NOB1: variants seen among roughly 807,000 people sequenced by gnomAD.
NOB1 encodes RNA-binding protein NOB1.
In NOB1, 44 loss-of-function variants were observed where a neutral mutation model predicts 44.8. That is an observed-to-expected ratio of 0.98 (90% CI 0.77 to 1.26). The LOEUF is 1.26. Ranked by LOEUF, NOB1 falls within the 50% of genes most tolerant of loss-of-function variation. The probability of loss-of-function intolerance (pLI) is 0.00; values close to 1 mark genes in which losing one functional copy is unlikely to be tolerated. For missense variants in NOB1, 560 were observed against 544.8 expected (o/e 1.03, Z -0.28); for synonymous variants, 238 against 218.7 (o/e 1.09, Z -0.78).
chr16:69,742,437 G>C lies in NOB1; in HGVS notation c.1134C>G (p.Ile378Met), dbSNP rs2038390417. Residue 378 changes from isoleucine (I) to methionine (M), a missense_variant, in exon 9 of 9, where the codon ATC (isoleucine) becomes ATG (methionine). Transcript: ENST00000268802. Reference protein sequence around the residue: ...AGVSPFVENDISSRSATLQVR... With the variant: ...AGVSPFVENDMSSRSATLQVR... ...CCTGCAGGGTAGCTGAGCGGCTGGAGATGTCATTCTCGACAAAGGGTGACA... is the reference window on the plus strand; with the variant it reads ...CCTGCAGGGTAGCTGAGCGGCTGGACATGTCATTCTCGACAAAGGGTGACA... 1.9e-6 allele frequency: 3 copies of C among 1,614,148 alleles called. No individual in the cohort carries two copies. In the African/African-American group the frequency reaches 4.0e-5, roughly 22 times the overall value.
intron 2 of NOB1, among the ~76,000 whole-genome samples, chr16:69,752,804 G>C (rs575964154): frequency 2.0e-5 from 3 of 152,068 alleles, no homozygotes; most frequent in African/African-American, 7.2e-5. Flanking sequence ...GTGGTAGCGG[G>C]GGGGCCTGTA....
chr16:69,745,698 G>A (rs779066279), intron 7 of NOB1, among the ~76,000 whole-genome samples: 1 of 152,180 alleles, frequency 6.6e-6, no homozygotes, highest in Non-Finnish European at 1.5e-5. Context: ...TGCTATCAGC[G>A]GCAAAGCAGT....
chr16:69,741,965 T>C lies in NOB1; in HGVS notation c.*367A>G, dbSNP rs1004631509. 4.9e-6 allele frequency: 1 copy of C among 205,616 alleles called. No homozygotes were observed. Among genetic ancestry groups the C allele is most frequent in the Non-Finnish European group, 9.9e-6 (1 of 100,890 alleles). The allele number at this position is 205,616 out of a possible 1,614,324, so 12.7% of individuals were successfully genotyped here. A position where few individuals can be genotyped will look rare whatever the true frequency, so the allele number is the denominator to read the frequency against. On this transcript the variant is annotated 3_prime_UTR_variant, in exon 9 of 9. Coordinates refer to ENST00000268802, the MANE Select transcript of NOB1 (RefSeq NM_014062.3). ...GGGCACACAGCTCAAGTATCAGCCT[T>C]GAGATGACCTAAGCAGCAAAAATTT...
rs753455172 is a variant in NOB1, at chr16:69,752,276, C to G, written c.292G>C (p.Val98Leu). The G allele has an allele frequency of 1.9e-6, 3 of 1,613,038 alleles. No individual in the cohort carries two copies. The South Asian group carries it at 3.3e-5, about 18-fold the overall frequency. Residue 98 changes from valine to leucine, a missense_variant, in exon 3 of 9, where the codon GTT becomes CTT. Coordinates refer to ENST00000268802, the MANE Select transcript of NOB1 (RefSeq NM_014062.3). ...ALTYQLEAEFVGVSHLKQEPQ... is the reference protein window; with the variant it reads ...ALTYQLEAEFLGVSHLKQEPQ... ...TCTTGTTTTAGGTGAGACACCCCAA[C>G]AAACTCTGCTTCCAACTGGTATGTG...
chr16:69,749,525 G>C lies in NOB1; in HGVS notation c.399+34C>G, dbSNP rs774806449. On this transcript the variant is annotated intron_variant, in intron 4 of 8. Transcript: ENST00000268802. ...GAGAGATGTGACATGTTTCAGAAAA[G>C]AGCATGAACGGCCTGGCTTGTCTAA... 2.5e-6 allele frequency: 4 copies of C among 1,588,716 alleles called. No homozygotes were observed. In the South Asian group the frequency reaches 4.5e-5, roughly 18 times the overall value.
chr16:69,742,186 C>A lies in NOB1; in HGVS notation c.*146G>T, dbSNP rs1203166067. 3.4e-5 allele frequency: 35 copies of A among 1,027,144 alleles called. No individual in the cohort carries two copies. The highest frequency in any genetic ancestry group is 2.8e-6 in the Non-Finnish European group (2 of 707,478). 63.6% of individuals were successfully genotyped at this position (1,027,144 alleles called of 1,614,324 possible). A position where few individuals can be genotyped will look rare whatever the true frequency, so the allele number is the denominator to read the frequency against. The stretch of plus-strand genomic sequence containing the variant: ...ACAGTCCAGTTCCCTGCAGACCCAG[C>A]GGGGCATGGGCGGACAGAGCCGCAC... On this transcript the variant is annotated 3_prime_UTR_variant, in exon 9 of 9. Transcript: ENST00000268802.
rs552758433 is a variant in NOB1, at chr16:69,743,233, G to C, written c.970-632C>G. On this transcript the variant is annotated intron_variant, in intron 8 of 8. Transcript: ENST00000268802. Reference sequence around the variant, plus strand: ...CACACTCATAGAAATCAATAAATGAGACTAAAAGGAAAGTTCTTCTTTACA... The same window carrying C: ...CACACTCATAGAAATCAATAAATGACACTAAAAGGAAAGTTCTTCTTTACA... Among the ~76,000 whole-genome samples the C allele has an allele frequency of 1.9e-3, 282 of 152,214 alleles. 1 individual carries two copies. Among genetic ancestry groups the C allele is most frequent in the Middle Eastern group, 0.01 (3 of 294 alleles).
At chr16:69,746,805 G>A (rs1245934712) in intron 7 of NOB1, among the ~76,000 whole-genome samples, 2 of 151,724 alleles carry the variant, frequency 1.3e-5, no homozygotes, top group Non-Finnish European at 2.9e-5. Context: ...TACTCAGGAG[G>A]CTGGGACAGG....
intron 2 of NOB1, among the ~76,000 whole-genome samples, chr16:69,754,324 C>T (rs2038506504): frequency 6.6e-6 from 1 of 152,252 alleles, no homozygotes. Context: ...TTCATGCTCA[C>T]AGCAACCTTG....
rs376699080 is a variant in NOB1 at position 69,754,630 on chromosome 16, G to A, written c.160C>T (p.Arg54Trp). The change falls in exon 2 of 9, where the codon CGG becomes TGG. Residue 54 changes from arginine to tryptophan, a missense_variant. By Grantham distance (101) the Arg-to-Trp change is moderately radical. Transcript: ENST00000268802. ...RRLAVLPYEL[R>W]FKEPLPEYVR... Reference sequence around the variant, plus strand: ...TATTCCGGTAAGGGCTCCTTGAACCGCAGCTCGTAGGGCAGGACAGCGAGC... The same window carrying A: ...TATTCCGGTAAGGGCTCCTTGAACCACAGCTCGTAGGGCAGGACAGCGAGC... 1 of 1,614,148 alleles carries A rather than the reference G, an allele frequency of 6.2e-7. No individual in the cohort carries two copies.
intron 7 of NOB1, among the ~76,000 whole-genome samples, chr16:69,747,922 C>T (rs913387518): frequency 3.3e-5 from 5 of 152,138 alleles, no homozygotes; most frequent in African/African-American, 1.2e-4. Flanking sequence ...CTTTGGGAGG[C>T]TGAGGTGGAT....
chr16:69,748,151 C>T (rs915500865), intron 7 of NOB1, 81 bp downstream of exon 7: 28 of 1,053,394 alleles, frequency 2.7e-5, no homozygotes, highest in Admixed American at 8.2e-5. Flanking sequence ...GGTGACAGAG[C>T]GAGACTGTTT....
chr16:69,748,163 TCAAAA>T, intron 7 of NOB1, 64 bp downstream of exon 7: 2 of 1,262,414 alleles, frequency 1.6e-6, no homozygotes, highest in South Asian at 2.5e-5. Context: ...AGACTGTTTC[TCAAAA>T]CAAAAAAAGA....
chr16:69,748,436 T>C (rs1157226098), intron 6 of NOB1, 107 bp from the exon 7 acceptor site: 4 of 1,035,932 alleles, frequency 3.9e-6, no homozygotes, highest in Non-Finnish European at 5.7e-6. Flanking sequence ...TCCTTGGCTT[T>C]TGCGAAGGAA....
chr16:69,749,584 AT>A lies in NOB1; in HGVS notation c.373del (p.Ile125PhefsTer51), dbSNP rs1469465576. On this transcript the variant is annotated frameshift_variant, in exon 4 of 9. Coordinates refer to ENST00000268802, the MANE Select transcript of NOB1 (RefSeq NM_014062.3). LOFTEE classifies it high-confidence loss of function. ...CTTGTAGGGCAGATGGAAACCAGAA[AT>A]GTGCAGAGGTGTTTCTGGGTGCTGA... Reference protein sequence around the residue: ...SIQHPETPLHISGFHLPYKPK... With the variant: ...SIQHPETPLHXSGFHLPYKPK... The A allele has an allele frequency of 1.9e-6, 3 of 1,613,634 alleles. No homozygotes were observed.
In NOB1 at chr16:69,742,017, G is replaced by T. The variant is rs1374678261; in HGVS notation, c.*315C>A. 1 of 291,518 alleles carries T rather than the reference G, an allele frequency of 3.4e-6. No homozygotes were observed. Among genetic ancestry groups the T allele is most frequent in the East Asian group, 7.4e-5 (1 of 13,590 alleles). 18.1% of individuals were successfully genotyped at this position (291,518 alleles called of 1,614,324 possible). A position where few individuals can be genotyped will look rare whatever the true frequency, so the allele number is the denominator to read the frequency against. On this transcript the variant is annotated 3_prime_UTR_variant, in exon 9 of 9. Coordinates refer to ENST00000268802, the MANE Select transcript of NOB1 (RefSeq NM_014062.3). ...GCCTATTTAATTAAATGCACAGGAG[G>T]TTGCAGCCGCATTTATTAGAAAAAT...
rs2038460790 is a variant in NOB1, at chr16:69,749,210, C to T, written c.525+3G>A. The T allele has an allele frequency of 6.2e-7, 1 of 1,612,902 alleles. No homozygotes were observed. Among genetic ancestry groups the T allele is most frequent in the East Asian group, 2.2e-5 (1 of 44,882 alleles). ...GTCAGAAGACCAAAAGTCAAGGCCTCACCAGCAGCTCCTGCAGTTCATGAT... is the reference window on the plus strand; with the variant it reads ...GTCAGAAGACCAAAAGTCAAGGCCTTACCAGCAGCTCCTGCAGTTCATGAT... On this transcript the variant is annotated splice_donor_region_variant and intron_variant, in intron 5 of 8. Transcript: ENST00000268802.
chr16:69,753,870 G>GCC (rs2151755234), intron 2 of NOB1, among the ~76,000 whole-genome samples: 1 of 152,046 alleles, frequency 6.6e-6, no homozygotes, highest in Admixed American at 6.6e-5. Flanking sequence ...GCAGTGGTAC[G>GCC]ATCTCGGCTC....
chr16:69,745,999 G>A (rs2038427461), intron 7 of NOB1, among the ~76,000 whole-genome samples: 1 of 152,238 alleles, frequency 6.6e-6, no homozygotes, highest in Admixed American at 6.5e-5. Context: ...GGAATTTTAT[G>A]AAGCCAGGAG....
Sources: allele counts gnomAD v4.1 joint callset (sites outside exome capture counted in the v4.1 genomes callset), GRCh38; gene constraint gnomAD v4.1.1; transcripts MANE v1.5; gene names NCBI Gene and HGNC (gene_info 2026-07-23, HGNC 2026-07-21).